The following PRDM16 variants were observed in gnomAD, a reference collection of about 807,000 sequenced individuals.
The protein encoded by PRDM16 is PR/SET domain 16.
A neutral mutation model predicts 110.6 loss-of-function variants in PRDM16; 23 were observed. The ratio of observed to expected loss-of-function variants is 0.21; its 90% CI spans 0.15 to 0.29. The LOEUF is 0.29. Among genes scored for constraint, PRDM16 ranks in the 10% least tolerant of loss-of-function variants. The probability of loss-of-function intolerance (pLI) is 1.00; values close to 1 mark genes in which losing one functional copy is unlikely to be tolerated. For synonymous variants in PRDM16, 799 were observed against 781.8 expected (o/e 1.02, Z -0.37); for missense variants, 1,615 against 1,794.3 (o/e 0.90, Z 1.81).
chr1:3,181,704 G>GTGCA (rs1240247701), intron 1 of PRDM16, among the ~76,000 whole-genome samples: 2 of 60,902 alleles, frequency 3.3e-5, no homozygotes, highest in Admixed American at 2.0e-4. Flanking sequence ...TCTTACACAC[G>GTGCA]GTCTTACACA....
intron 2 of PRDM16, among the ~76,000 whole-genome samples, chr1:3,241,303 C>T (rs1284450044): frequency 2.0e-5 from 3 of 152,244 alleles, no homozygotes; most frequent in African/African-American, 7.2e-5. Context: ...GGGGGCTCTG[C>T]CTCTGTGCGG....
chr1:3,129,154 G>A lies in PRDM16; in HGVS notation c.38-56971G>A, dbSNP rs554454933. ...TGTGTGGGTGTCCTGCCTGGCGTGCGTGTGTGGGTGGGTGTGGATCCTGCC... is the reference window on the plus strand; with the variant it reads ...TGTGTGGGTGTCCTGCCTGGCGTGCATGTGTGGGTGGGTGTGGATCCTGCC... On this transcript the variant is annotated intron_variant, in intron 1 of 16. Transcript: ENST00000270722. 1.1e-4 allele frequency among the ~76,000 whole-genome samples: 17 copies of A among 150,630 alleles called. No homozygotes were observed. The East Asian group carries it at 2.4e-3, about 21-fold the overall frequency.
intron 2 of PRDM16, among the ~76,000 whole-genome samples, chr1:3,200,593 C>G (rs372695887): frequency 1.3e-5 from 2 of 152,330 alleles, no homozygotes; most frequent in Middle Eastern, 3.4e-3. Flanking sequence ...CTGCCCGCCT[C>G]GGCCTCCCGA....
chr1:3,070,643 G>A (rs1557774841), intron 1 of PRDM16, among the ~76,000 whole-genome samples: 1 of 149,976 alleles, frequency 6.7e-6, no homozygotes, highest in South Asian at 2.1e-4. Context: ...CCTCCAGGCC[G>A]GCCTCGCAGC....
intron 1 of PRDM16, among the ~76,000 whole-genome samples, chr1:3,181,143 T>C (rs1446005053): frequency 7.4e-6 from 1 of 134,898 alleles, no homozygotes; most frequent in Non-Finnish European, 1.5e-5. Flanking sequence ...CACGCGGTCT[T>C]ACACACGCAG....
chr1:3,379,169 TCCCAA>T (rs1643052311), intron 3 of PRDM16, among the ~76,000 whole-genome samples: 1 of 39,932 alleles, frequency 2.5e-5, no homozygotes, highest in South Asian at 1.2e-3. Flanking sequence ...AGCACACCCC[TCCCAA>T]AACACCCCTC....
chr1:3,343,668 C>G (rs1185140722), intron 3 of PRDM16, among the ~76,000 whole-genome samples: 2 of 152,042 alleles, frequency 1.3e-5, no homozygotes, highest in African/African-American at 4.8e-5. Flanking sequence ...GAGTCTCGCT[C>G]TGTCACCCAG....
chr1:3,285,269 TCTC>T (rs1275190736), intron 3 of PRDM16, among the ~76,000 whole-genome samples: 2 of 152,128 alleles, frequency 1.3e-5, no homozygotes, highest in Non-Finnish European at 2.9e-5. Context: ...GGCCCCTGCC[TCTC>T]CCCTCCAGCT....
In PRDM16 at chr1:3,382,394, C is replaced by T. The variant is rs545196160; in HGVS notation, c.439-2758C>T. On this transcript the variant is annotated intron_variant, in intron 3 of 16. Coordinates refer to ENST00000270722, the MANE Select transcript of PRDM16 (RefSeq NM_022114.4). The surrounding 1 kb of genome is among the most constrained non-coding windows in gnomAD (Gnocchi z 6.6). Reference sequence around the variant, plus strand: ...CTCCCTGGACAGCGTGAGGACCCTTCCTGCAGCCCCTTTAGGGACCAGGAC... The same window carrying T: ...CTCCCTGGACAGCGTGAGGACCCTTTCTGCAGCCCCTTTAGGGACCAGGAC... 6.6e-6 allele frequency among the ~76,000 whole-genome samples: 1 copy of T among 152,224 alleles called. No individual in the cohort carries two copies. The highest frequency in any genetic ancestry group is 1.5e-5 in the Non-Finnish European group (1 of 68,032).
chr1:3,409,094 T>C lies in PRDM16; in HGVS notation c.1187-2290T>C, dbSNP rs542090113. On this transcript the variant is annotated intron_variant, in intron 8 of 16. Coordinates refer to ENST00000270722, the MANE Select transcript of PRDM16 (RefSeq NM_022114.4). ...GTGACAGCGTGAGTGTGGGCGCGTG[T>C]CTGTGAGTGCGAGTGTGGGCGTGTG... 3.0e-4 allele frequency among the ~76,000 whole-genome samples: 45 copies of C among 150,154 alleles called. 1 individual carries two copies. In the South Asian group the frequency reaches 9.5e-3, roughly 32 times the overall value.
At chr1:3,322,620 T>C (rs554535249) in intron 3 of PRDM16, among the ~76,000 whole-genome samples, 7 of 152,260 alleles carry the variant, frequency 4.6e-5, no homozygotes. Context: ...GCACCCAGTG[T>C]GGTGTAGGCC....
At chr1:3,378,258 G>A (rs1382340087) in intron 3 of PRDM16, among the ~76,000 whole-genome samples, 2 of 152,202 alleles carry the variant, frequency 1.3e-5, no homozygotes, top group Non-Finnish European at 2.9e-5. Context: ...GGGAGGCCCT[G>A]GTCAGATGCA....
intron 1 of PRDM16, among the ~76,000 whole-genome samples, chr1:3,078,423 G>T (rs1004890286): frequency 3.3e-5 from 5 of 152,184 alleles, no homozygotes; most frequent in African/African-American, 1.2e-4. Flanking sequence ...GTCTAAGATG[G>T]CAGGAAAGCC....
chr1:3,194,634 TCTCCCCGCCACAC>T (rs1480589646), intron 2 of PRDM16, among the ~76,000 whole-genome samples: 1 of 144,142 alleles, frequency 6.9e-6, no homozygotes, highest in African/African-American at 2.6e-5. Context: ...CACGCCACCG[TCTCCCCGCCACAC>T]GCCACCGTCT....
chr1:3,134,224 CA>C (rs1164484049), intron 1 of PRDM16, among the ~76,000 whole-genome samples: 1 of 152,162 alleles, frequency 6.6e-6, no homozygotes, highest in Non-Finnish European at 1.5e-5. Context: ...GAGGCTCCCA[CA>C]GAGAGGGGAT....
At chr1:3,268,182 C>G (rs1051333040) in intron 3 of PRDM16, among the ~76,000 whole-genome samples, 1 of 152,228 alleles carries the variant, frequency 6.6e-6, no homozygotes, top group Non-Finnish European at 1.5e-5. Flanking sequence ...GACGCTCCTG[C>G]TGCGGTTGCA....
At chr1:3,125,215 G>T (rs577481074) in intron 1 of PRDM16, among the ~76,000 whole-genome samples, 1 of 152,398 alleles carries the variant, frequency 6.6e-6, no homozygotes, top group East Asian at 1.9e-4. Flanking sequence ...CAGCCAGCGC[G>T]CTTCCCGCAT....
At chr1:3,398,434 A>C (rs1283540344) in intron 5 of PRDM16, among the ~76,000 whole-genome samples, 1 of 152,182 alleles carries the variant, frequency 6.6e-6, no homozygotes, top group African/African-American at 2.4e-5. Flanking sequence ...TAAACTCTGA[A>C]TCGCACAGAA....
chr1:3,074,034 G>A (rs1641832598), intron 1 of PRDM16, among the ~76,000 whole-genome samples: 1 of 152,208 alleles, frequency 6.6e-6, no homozygotes, highest in African/African-American at 2.4e-5. Flanking sequence ...GCTGTAGGGG[G>A]AGGGAAGACG....
Sources: gnomAD v4.1 joint callset for allele counts (sites outside exome capture counted in the v4.1 genomes callset) on GRCh38, gnomAD v4.1.1 for gene constraint, Gnocchi (gnomAD v3.1) non-coding constraint, MANE v1.5 for transcripts, NCBI Gene and HGNC (gene_info 2026-07-23, HGNC 2026-07-21) for gene names.